WDFY3: variants seen among roughly 807,000 people sequenced by gnomAD.
WDFY3 encodes the protein WD repeat and FYVE domain containing 3.
Under a neutral mutation model 409.6 loss-of-function variants are expected in WDFY3, and 66 were observed. That is an observed-to-expected ratio of 0.16 (90% confidence interval 0.13 to 0.20). The LOEUF (loss-of-function observed/expected upper bound fraction) is 0.20. Ranked by LOEUF, WDFY3 falls within the 10% of genes least tolerant of loss-of-function variation. The probability of loss-of-function intolerance (pLI) is 1.00; values close to 1 mark genes in which losing one functional copy is unlikely to be tolerated. For synonymous variants in WDFY3, 1,521 were observed against 1,537.1 expected, an observed-to-expected ratio of 0.99 and a Z score of 0.25; for missense variants, 3,031 against 4,298.1, an observed-to-expected ratio of 0.71 and a Z score of 8.24.
intron 46 of WDFY3, among the ~76,000 whole-genome samples, chr4:84,722,706 AT>A (rs1243813463): frequency 6.6e-6 from 1 of 152,206 alleles, no homozygotes; most frequent in Non-Finnish European, 1.5e-5. Context: ...CAAATCACAC[AT>A]TTTGATTAAA....
intron 17 of WDFY3, among the ~76,000 whole-genome samples, chr4:84,799,791 A>C (rs1422103299): frequency 6.6e-6 from 1 of 152,182 alleles, no homozygotes; most frequent in East Asian, 1.9e-4. Flanking sequence ...CGTTAGACAC[A>C]ATTAGTTTAT....
In WDFY3 at chr4:84,785,236, G is replaced by C. The variant is rs534988027; in HGVS notation, c.4062+743C>G. 3.3e-5 allele frequency among the ~76,000 whole-genome samples: 5 copies of C among 151,966 alleles called. No homozygotes were observed. In the South Asian group the frequency reaches 1.0e-3, roughly 32 times the overall value. On this transcript the variant is annotated intron_variant, in intron 24 of 67. Transcript: ENST00000295888. Reference sequence around the variant, plus strand: ...ACTCTGGGCTCCTCTCCTACTGCCCGGGCCCTCTCTAATTTTACTGCATCC... The same window carrying C: ...ACTCTGGGCTCCTCTCCTACTGCCCCGGCCCTCTCTAATTTTACTGCATCC...
chr4:84,794,604 T>G lies in WDFY3; in HGVS notation c.3402A>C (p.Gln1134His). ...GAACTATTGCAAGGCACACGTAATG[T>G]TGCTCAGAAGAATTTGCTCGGCGCA... Reference protein sequence around the residue: ...TVVRRANSSEQHYVCLAIVLS... With the variant: ...TVVRRANSSEHHYVCLAIVLS... The change falls in exon 21 of 68, where the codon CAA becomes CAC. Residue 1134 changes from glutamine to histidine, a missense_variant. By Grantham distance (24) the Gln-to-His change is conservative. Coordinates refer to ENST00000295888, the MANE Select transcript of WDFY3 (RefSeq NM_014991.6). 1 of 1,614,142 alleles carries G rather than the reference T, an allele frequency of 6.2e-7. No individual in the cohort carries two copies. Among genetic ancestry groups the G allele is most frequent in the Non-Finnish European group, 8.5e-7 (1 of 1,180,018 alleles).
chr4:84,875,742 A>G (rs1472359631), intron 3 of WDFY3, among the ~76,000 whole-genome samples: 1 of 152,206 alleles, frequency 6.6e-6, no homozygotes, highest in African/African-American at 2.4e-5. Context: ...TTGTTAAAAA[A>G]GACACCAACA....
chr4:84,776,154 CA>C (rs1745510800), intron 27 of WDFY3, among the ~76,000 whole-genome samples: 1 of 151,810 alleles, frequency 6.6e-6, no homozygotes, highest in South Asian at 2.1e-4. Flanking sequence ...TAAATGTATA[CA>C]ATAGCATAAA....
intron 2 of WDFY3, among the ~76,000 whole-genome samples, chr4:84,909,311 T>C (rs1468451554): frequency 6.6e-6 from 1 of 152,160 alleles, no homozygotes; most frequent in African/African-American, 2.4e-5. Flanking sequence ...CTTTAATTTA[T>C]AACCCAGTGT....
In WDFY3 at chr4:84,787,697, C is replaced by G; in HGVS notation, c.3686G>C (p.Ser1229Thr). The G allele has an allele frequency of 6.2e-7, 1 of 1,611,828 alleles. No individual in the cohort carries two copies. The highest frequency in any genetic ancestry group is 8.5e-7 in the Non-Finnish European group (1 of 1,178,062). Residue 1229 changes from serine to threonine, a missense_variant, in exon 23 of 68, where the codon AGT becomes ACT. Ser to Thr is a moderately conservative substitution (Grantham distance 58). Transcript: ENST00000295888. ...TGCCGAACCTGAACCCCCTGGAGTA[C>G]TGTGGACATAATGAAGCTGTAAGGA... is the stretch of plus-strand genomic sequence containing the variant. The part of the protein sequence containing the change: ...VNTVKLHYVH[S>T]TPGGSGSANP...
rs533417526 is a variant in WDFY3 at position 84,851,693 on chromosome 4, T to C, written c.181-1668A>G. The stretch of plus-strand genomic sequence containing the variant: ...AGAGAAAACCTGATCAATCACATCA[T>C]TCACAATGCCTTTAGCATGAAAAAA... On this transcript the variant is annotated intron_variant, in intron 4 of 67. Transcript: ENST00000295888. Among the ~76,000 whole-genome samples the C allele has an allele frequency of 5.3e-5, 8 of 152,286 alleles. No homozygotes were observed. The South Asian group carries it at 1.0e-3, about 20-fold the overall frequency.
At chr4:84,795,343 T>C (rs375138351) in intron 19 of WDFY3, among the ~76,000 whole-genome samples, 13 of 152,344 alleles carry the variant, frequency 8.5e-5, no homozygotes, top group African/African-American at 3.1e-4. Context: ...CTGATTGCTT[T>C]TGACTATTCC....
At chr4:84,902,679 T>G (rs1327335537) in intron 2 of WDFY3, among the ~76,000 whole-genome samples, 1 of 152,226 alleles carries the variant, frequency 6.6e-6, no homozygotes, top group Non-Finnish European at 1.5e-5. Context: ...GTTAGCAAGT[T>G]CTTTGATATT....
chr4:84,682,546 G>C lies in WDFY3; in HGVS notation c.9727-76C>G, dbSNP rs960382147. The C allele has an allele frequency of 1.8e-5, 20 of 1,126,998 alleles. No individual in the cohort carries two copies. In the Admixed American group the frequency reaches 2.7e-4, roughly 15 times the overall value. 69.8% of individuals were successfully genotyped at this position (1,126,998 alleles called of 1,614,324 possible). A position where few individuals can be genotyped will look rare whatever the true frequency, so the allele number is the denominator to read the frequency against. On this transcript the variant is annotated intron_variant, in intron 63 of 67. Coordinates refer to ENST00000295888, the MANE Select transcript of WDFY3 (RefSeq NM_014991.6). Reference sequence around the variant, plus strand: ...ACCAATTTACATTACTCAATGAAGAGAGACTGTCAGGGTTAACAGATAACT... The same window carrying C: ...ACCAATTTACATTACTCAATGAAGACAGACTGTCAGGGTTAACAGATAACT...
At chr4:84,729,789 C>CA (rs1377860739) in intron 44 of WDFY3, among the ~76,000 whole-genome samples, 3 of 151,340 alleles carry the variant, frequency 2.0e-5, no homozygotes, top group African/African-American at 7.3e-5. Flanking sequence ...AGGGACAGGA[C>CA]AAAAAAAGGA....
In WDFY3 at chr4:84,794,989, A is replaced by G. The variant is rs1560778479; in HGVS notation, c.3168-10T>C. The G allele has an allele frequency of 6.5e-7, 1 of 1,530,514 alleles. No homozygotes were observed. Among genetic ancestry groups the G allele is most frequent in the Admixed American group, 2.2e-5 (1 of 45,000 alleles). 94.8% of individuals were successfully genotyped at this position (1,530,514 alleles called of 1,614,324 possible). A position where few individuals can be genotyped will look rare whatever the true frequency, so the allele number is the denominator to read the frequency against. On this transcript the variant is annotated splice_polypyrimidine_tract_variant and intron_variant, in intron 19 of 67. Transcript: ENST00000295888. ...GGGCAAAAAAAGACATCTATTAAAG[A>G]AAAGACAACATACATATTAGAGATC...
intron 27 of WDFY3, among the ~76,000 whole-genome samples, chr4:84,777,057 C>A (rs1255456863): frequency 6.6e-6 from 1 of 151,950 alleles, no homozygotes; most frequent in Non-Finnish European, 1.5e-5. Flanking sequence ...ACTGTTTATA[C>A]ACAGGGAAGA....
intron 17 of WDFY3, among the ~76,000 whole-genome samples, chr4:84,799,454 G>A (rs1256983029): frequency 1.3e-5 from 2 of 151,666 alleles, no homozygotes; most frequent in Non-Finnish European, 2.9e-5. Context: ...TTACAGGCAT[G>A]AGCCACACTG....
At chr4:84,867,482 C>G (rs191572612) in intron 3 of WDFY3, among the ~76,000 whole-genome samples, 292 of 152,138 alleles carry the variant, frequency 1.9e-3, no homozygotes, top group Non-Finnish European at 3.5e-3. Flanking sequence ...TAATACAAAC[C>G]CTATTTGGGT....
chr4:84,790,446 A>G (rs1748321059), intron 21 of WDFY3, among the ~76,000 whole-genome samples: 1 of 152,212 alleles, frequency 6.6e-6, no homozygotes, highest in Admixed American at 6.5e-5. Flanking sequence ...CCTAGAATGT[A>G]TTTTTGCTCT....
chr4:84,757,707 T>C (rs1039720905), intron 32 of WDFY3, among the ~76,000 whole-genome samples: 6 of 152,124 alleles, frequency 3.9e-5, no homozygotes, highest in African/African-American at 1.4e-4. Flanking sequence ...GCCTCCTGAG[T>C]AGCTGGGACT....
intron 42 of WDFY3, among the ~76,000 whole-genome samples, chr4:84,735,583 C>T (rs1737306677): frequency 6.6e-6 from 1 of 152,214 alleles, no homozygotes; most frequent in Non-Finnish European, 1.5e-5. Context: ...CTCCCTTCCA[C>T]AGGTATTGAT....
Sources: gnomAD v4.1 joint callset for allele counts (sites outside exome capture counted in the v4.1 genomes callset) on GRCh38, gnomAD v4.1.1 for gene constraint, MANE v1.5 for transcripts, NCBI Gene and HGNC (gene_info 2026-07-23, HGNC 2026-07-21) for gene names.